Variants in ZNF503 observed in about 807,000 individuals in gnomAD.
The protein encoded by ZNF503 is NocA-like zinc finger 2.
Under a neutral mutation model 34.4 loss-of-function variants are expected in ZNF503, and 15 were observed. That is an observed-to-expected ratio of 0.44 (90% CI 0.29 to 0.67). ZNF503 has a LOEUF of 0.67. Among genes scored for constraint, ZNF503 ranks in the 30% least tolerant of loss-of-function variants. The pLI, the probability that ZNF503 is intolerant of heterozygous loss-of-function variation, is 0.13. For missense variants in ZNF503, 1,007 were observed against 926.8 expected (o/e 1.09, Z -1.12); for synonymous variants, 580 against 456.8 (o/e 1.27, Z -3.44).
the ZNF503 span, among the ~76,000 whole-genome samples, chr10:75,311,997 A>T: frequency 0.012 from 1,835 of 151,780 alleles, 27 homozygotes; most frequent in African/African-American, 0.041. Context: ...CGCCTGCCTC[A>T]GCCTCCCAAA....
chr10:75,324,054 T>A, the ZNF503 span, among the ~76,000 whole-genome samples: 534 of 69,408 alleles, frequency 7.7e-3, 2 homozygotes, highest in Admixed American at 0.011. Context: ...GAGCATTTTT[T>A]ATACATTTTA....
chr10:75,395,804 A>G (rs970280431), downstream of ZNF503, among the ~76,000 whole-genome samples: 16 of 152,312 alleles, frequency 1.1e-4, 1 homozygote, highest in Admixed American at 4.6e-4. The surrounding 1 kb of genome is among the most constrained non-coding windows in gnomAD (Gnocchi z 4.4). Flanking sequence ...AGTTTCATCA[A>G]ACTTTTAAGG....
the ZNF503 span, among the ~76,000 whole-genome samples, chr10:75,290,032 C>T: frequency 3.9e-5 from 6 of 152,184 alleles, no homozygotes; most frequent in African/African-American, 1.2e-4. Context: ...TGACAACCAC[C>T]ATTCTACTTT....
chr10:75,391,087 A>C, the ZNF503 span, among the ~76,000 whole-genome samples: 147 of 152,288 alleles, frequency 9.7e-4, no homozygotes, highest in Non-Finnish European at 1.7e-3. Flanking sequence ...CCTATTTCCA[A>C]ATACAGTTAC....
At chr10:75,338,451 C>T in the ZNF503 span, 2 of 152,216 alleles carry the variant, frequency 1.3e-5, no homozygotes, top group Non-Finnish European at 2.9e-5. Context: ...ATTTAAATGA[C>T]ATCATGTGTG....
chr10:75,325,788 T>C, the ZNF503 span, among the ~76,000 whole-genome samples: 1 of 152,214 alleles, frequency 6.6e-6, no homozygotes, highest in East Asian at 1.9e-4. Flanking sequence ...CTTTGATTTC[T>C]TTTGTCAGTA....
chr10:75,316,492 G>T, the ZNF503 span, among the ~76,000 whole-genome samples: 1 of 151,950 alleles, frequency 6.6e-6, no homozygotes, highest in Non-Finnish European at 1.5e-5. Context: ...GAGTGGCTAA[G>T]ACTACAGGCA....
chr10:75,337,934 T>A, the ZNF503 span, among the ~76,000 whole-genome samples: 1 of 152,194 alleles, frequency 6.6e-6, no homozygotes, highest in Non-Finnish European at 1.5e-5. Context: ...ACTAAATGCT[T>A]ATGGAGAATA....
At chr10:75,332,692 G>C in the ZNF503 span, among the ~76,000 whole-genome samples, 1 of 147,826 alleles carries the variant, frequency 6.8e-6, no homozygotes, top group African/African-American at 2.5e-5. Context: ...CGAGCATGCT[G>C]CCTTCAAGCA....
the ZNF503 span, among the ~76,000 whole-genome samples, chr10:75,366,484 C>A: frequency 1.1e-4 from 17 of 152,234 alleles, no homozygotes; most frequent in African/African-American, 4.1e-4. Context: ...GACTTTTCAG[C>A]TCTCCTCCAT....
the ZNF503 span, among the ~76,000 whole-genome samples, chr10:75,313,111 G>C: frequency 6.6e-6 from 1 of 152,106 alleles, no homozygotes; most frequent in South Asian, 2.1e-4. Flanking sequence ...CCCAGCCTCG[G>C]GTATGTCTTT....
chr10:75,369,006 G>T, the ZNF503 span, among the ~76,000 whole-genome samples: 1 of 152,196 alleles, frequency 6.6e-6, no homozygotes, highest in Non-Finnish European at 1.5e-5. Flanking sequence ...CAGCACATCT[G>T]TATAGTGGGA....
At chr10:75,344,317 C>T in the ZNF503 span, among the ~76,000 whole-genome samples, 1 of 152,240 alleles carries the variant, frequency 6.6e-6, no homozygotes. Flanking sequence ...CTACTTGCTT[C>T]AACATTCCAC....
chr10:75,314,606 CAG>C, the ZNF503 span, among the ~76,000 whole-genome samples: 5 of 152,024 alleles, frequency 3.3e-5, no homozygotes, highest in Admixed American at 3.3e-4. Context: ...AAGGTGAACA[CAG>C]AGAGAAAGAT....
the ZNF503 span, among the ~76,000 whole-genome samples, chr10:75,344,672 T>C: frequency 0.015 from 2,355 of 152,372 alleles, 26 homozygotes; most frequent in Admixed American, 0.024. Flanking sequence ...GATTTCATTA[T>C]GTGAAAAGAA....
chr10:75,333,180 C>T, the ZNF503 span, among the ~76,000 whole-genome samples: 1 of 122,442 alleles, frequency 8.2e-6, no homozygotes, highest in East Asian at 2.4e-4. Context: ...TAGGGGTGGC[C>T]GGGCAGAGGT....
At chr10:75,325,753 A>G in the ZNF503 span, among the ~76,000 whole-genome samples, 42 of 150,612 alleles carry the variant, frequency 2.8e-4, no homozygotes, top group Middle Eastern at 3.4e-3. Flanking sequence ...TAAACATGGC[A>G]TATCTTTCCA....
At position 75,399,075 on chromosome 10, in the gene ZNF503, A is replaced by C. The variant is rs1843743506; in HGVS notation, c.1615T>G (p.Leu539Val). ...FATSEELLSH[L>V]RTHTAFPGTD... is the part of the protein sequence containing the mutation. ...CCGGGAAATGCCGTATGGGTCCGCA[A>C]GTGGCTCAGCAGCTCTTCGGACGTG... Residue 539 changes from leucine to valine, a missense_variant, in exon 2 of 2, where the codon TTG (leucine) becomes GTG (valine). Leu to Val is a conservative substitution (Grantham distance 32). Coordinates refer to ENST00000372524, the MANE Select transcript of ZNF503 (RefSeq NM_032772.6). 1 of 1,613,626 alleles carries C rather than the reference A, an allele frequency of 6.2e-7. No individual in the cohort carries two copies. The highest frequency in any genetic ancestry group is 8.5e-7 in the Non-Finnish European group (1 of 1,179,838).
chr10:75,386,000 T>G, the ZNF503 span, among the ~76,000 whole-genome samples: 8 of 152,160 alleles, frequency 5.3e-5, no homozygotes, highest in Admixed American at 5.2e-4. Flanking sequence ...CAAAAGTCTA[T>G]CTCCCTGCCA....
Sources: gnomAD v4.1 joint callset for allele counts (sites outside exome capture counted in the v4.1 genomes callset) on GRCh38, gnomAD v4.1.1 for gene constraint, Gnocchi (gnomAD v3.1) non-coding constraint, MANE v1.5 for transcripts, NCBI Gene and HGNC (gene_info 2026-07-23, HGNC 2026-07-21) for gene names.